The following GPD2 variants were observed in gnomAD, a reference collection of about 807,000 sequenced individuals.
GPD2 encodes the protein glycerol-3-phosphate dehydrogenase, mitochondrial.
Under a neutral mutation model 82.4 loss-of-function variants are expected in GPD2, and 54 were observed. The ratio of observed to expected loss-of-function variants is 0.66; its 90% CI spans 0.53 to 0.82. The LOEUF (loss-of-function observed/expected upper bound fraction) is 0.82, where lower values mean the gene tolerates loss of function less well. Among genes scored for constraint, GPD2 ranks in the 40% least tolerant of loss-of-function variants. The pLI, the probability that GPD2 is intolerant of heterozygous loss-of-function variation, is 0.00. For missense variants in GPD2, 748 were observed against 896.2 expected (o/e 0.83, Z 2.11); for synonymous variants, 288 against 306.1 (o/e 0.94, Z 0.62).
intron 2 of GPD2, among the ~76,000 whole-genome samples, chr2:156,481,364 A>G (rs1683724111): frequency 6.6e-6 from 1 of 152,086 alleles, no homozygotes; most frequent in Non-Finnish European, 1.5e-5. Context: ...AATTATTGTT[A>G]ACCATATTCA....
the GPD2 span, among the ~76,000 whole-genome samples, chr2:156,415,768 T>C: frequency 6.6e-6 from 1 of 152,196 alleles, no homozygotes; most frequent in East Asian, 1.9e-4. Context: ...GGCAGGAGAA[T>C]CACTTGAACT....
Position 156,439,512 on chromosome 2 carries a change from A to AG in GPD2, c.-9+3000dup, listed in dbSNP as rs1682066583. Among the ~76,000 whole-genome samples the AG allele has an allele frequency of 5.1e-5, 4 of 78,496 alleles. No individual in the cohort carries two copies. In the South Asian group the frequency reaches 1.6e-3, roughly 31 times the overall value. The allele number at this position is 78,496 out of a possible 152,430, so 51.5% of individuals were successfully genotyped here. ...CGTGAGAATTGCTTGAGACTGTCTC[A>AG]GAAAAAAAAAAAAAAAAAAAAAAAA... On this transcript the variant is annotated intron_variant, in intron 1 of 16. Transcript: ENST00000438166.
At chr2:156,540,232 C>T (rs1266984311) in intron 6 of GPD2, among the ~76,000 whole-genome samples, 1 of 152,228 alleles carries the variant, frequency 6.6e-6, no homozygotes, top group Admixed American at 6.5e-5. Context: ...TGTGCCACCA[C>T]TGCTGACATC....
At chr2:156,471,372 C>A (rs899394095) in intron 1 of GPD2, among the ~76,000 whole-genome samples, 2 of 152,192 alleles carry the variant, frequency 1.3e-5, no homozygotes, top group Non-Finnish European at 2.9e-5. Context: ...CTTTACAGAA[C>A]GTTAGACAAA....
intron 6 of GPD2, 120 bp from the exon 7 acceptor site, chr2:156,549,488 A>G (rs1686670354): frequency 3.4e-6 from 3 of 888,796 alleles, no homozygotes; most frequent in East Asian, 2.4e-5. Context: ...CTGCCCAGCC[A>G]TCATGCATAT....
At chr2:156,457,384 A>G (rs1014223185) in intron 1 of GPD2, among the ~76,000 whole-genome samples, 1 of 152,220 alleles carries the variant, frequency 6.6e-6, no homozygotes, top group Non-Finnish European at 1.5e-5. Flanking sequence ...GTTGGACTCC[A>G]TGTGATTAGA....
Position 156,549,600 on chromosome 2 carries a change from C to T in GPD2, c.662-8C>T, listed in dbSNP as rs769760178. On this transcript the variant is annotated splice_region_variant and splice_polypyrimidine_tract_variant and intron_variant, in intron 6 of 16. Coordinates refer to ENST00000438166, the MANE Select transcript of GPD2 (RefSeq NM_000408.5). ...CCTCTCCCTCCCCTGATGCTTTCCC[C>T]GCTGCAGGACAACATAACGATGCAC... is the stretch of plus-strand genomic sequence containing the variant. 14 of 1,613,668 alleles carry T rather than the reference C, an allele frequency of 8.7e-6. No individual in the cohort carries two copies. Among genetic ancestry groups the T allele is most frequent in the East Asian group, 4.5e-5 (2 of 44,880 alleles).
chr2:156,413,904 C>CAAAT, the GPD2 span, among the ~76,000 whole-genome samples: 2 of 152,240 alleles, frequency 1.3e-5, no homozygotes, highest in African/African-American at 2.4e-5. Context: ...AACTCTGTCT[C>CAAAT]AAATAAATAA....
chr2:156,488,649 A>G (rs1390386067), intron 2 of GPD2, among the ~76,000 whole-genome samples: 1 of 152,040 alleles, frequency 6.6e-6, no homozygotes, highest in Non-Finnish European at 1.5e-5. Context: ...GTCTAATGAT[A>G]TACAGACATA....
At chr2:156,538,605 G>C (rs1400072687) in intron 6 of GPD2, among the ~76,000 whole-genome samples, 1 of 151,998 alleles carries the variant, frequency 6.6e-6, no homozygotes, top group Non-Finnish European at 1.5e-5. Flanking sequence ...TGGATCACGA[G>C]GTCAGGAGAT....
intron 2 of GPD2, among the ~76,000 whole-genome samples, chr2:156,478,020 T>C (rs1308181288): frequency 6.6e-6 from 1 of 152,238 alleles, no homozygotes; most frequent in Non-Finnish European, 1.5e-5. Flanking sequence ...GGTTTATATC[T>C]TTTAACCACA....
chr2:156,444,551 A>G (rs1682288568), intron 1 of GPD2, among the ~76,000 whole-genome samples: 1 of 152,054 alleles, frequency 6.6e-6, no homozygotes, highest in South Asian at 2.1e-4. Context: ...TGTCTCTACT[A>G]AAAATACCAA....
At chr2:156,462,169 C>T (rs756055273) in intron 1 of GPD2, among the ~76,000 whole-genome samples, 1 of 152,030 alleles carries the variant, frequency 6.6e-6, no homozygotes, top group East Asian at 1.9e-4. Context: ...GAGAGTGTTG[C>T]CATGTTTTTT....
At chr2:156,540,580 G>A (rs994896775) in intron 6 of GPD2, among the ~76,000 whole-genome samples, 1 of 152,182 alleles carries the variant, frequency 6.6e-6, no homozygotes, top group African/African-American at 2.4e-5. Context: ...ATTTTCTCAG[G>A]ATGCCAAATT....
chr2:156,524,801 A>G (rs1322721140), intron 6 of GPD2, among the ~76,000 whole-genome samples: 1 of 152,232 alleles, frequency 6.6e-6, no homozygotes, highest in East Asian at 1.9e-4. Flanking sequence ...CTAGCAACAA[A>G]AAGGCTAGAT....
intron 6 of GPD2, among the ~76,000 whole-genome samples, chr2:156,531,136 A>G (rs2105305997): frequency 6.6e-6 from 1 of 152,282 alleles, no homozygotes; most frequent in African/African-American, 2.4e-5. Context: ...AATTATTTTA[A>G]TTTGCTACAT....
the GPD2 span, among the ~76,000 whole-genome samples, chr2:156,402,648 T>TTTTA: frequency 1.7e-4 from 26 of 152,166 alleles, no homozygotes; most frequent in African/African-American, 5.5e-4. Flanking sequence ...GCATGGCTAA[T>TTTTA]TTTATTTATT....
At chr2:156,409,567 G>A in the GPD2 span, among the ~76,000 whole-genome samples, 1 of 152,024 alleles carries the variant, frequency 6.6e-6, no homozygotes, top group Non-Finnish European at 1.5e-5. Flanking sequence ...AGGCATGGTG[G>A]TGCATGCCTG....
intron 3 of GPD2, among the ~76,000 whole-genome samples, chr2:156,497,969 G>A (rs1684445009): frequency 6.6e-6 from 1 of 152,160 alleles, no homozygotes. Flanking sequence ...GGGAAAGAAG[G>A]TGGAAAGAGG....
Sources: allele counts gnomAD v4.1 joint callset (sites outside exome capture counted in the v4.1 genomes callset), GRCh38; gene constraint gnomAD v4.1.1; transcripts MANE v1.5; gene names NCBI Gene and HGNC (gene_info 2026-07-23, HGNC 2026-07-21).